Variants in RPS6KC1 observed in about 807,000 individuals in gnomAD.
RPS6KC1 encodes ribosomal protein S6 kinase C1.
A neutral mutation model predicts 103.8 loss-of-function variants in RPS6KC1; 54 were observed. The ratio of observed to expected loss-of-function variants is 0.52; its 90% CI spans 0.42 to 0.65. RPS6KC1 has a LOEUF of 0.65. Among genes scored for constraint, RPS6KC1 ranks in the 30% least tolerant of loss-of-function variants. The pLI is 0.00. For missense variants in RPS6KC1, 1,151 were observed against 1,253.8 expected (o/e 0.92, Z 1.24); for synonymous variants, 439 against 438.7 (o/e 1.00, Z -0.01).
the RPS6KC1 span, among the ~76,000 whole-genome samples, chr1:213,634,475 G>A: frequency 3.3e-5 from 5 of 152,220 alleles, no homozygotes; most frequent in African/African-American, 4.8e-5. Flanking sequence ...GCTCCTGAAT[G>A]ACTATTGGGT....
the RPS6KC1 span, among the ~76,000 whole-genome samples, chr1:213,569,685 T>C: frequency 1.3e-5 from 2 of 152,186 alleles, no homozygotes; most frequent in African/African-American, 4.8e-5. Flanking sequence ...TGAGGTAATA[T>C]AACAGCTACT....
the RPS6KC1 span, among the ~76,000 whole-genome samples, chr1:213,450,565 A>G: frequency 4.6e-5 from 7 of 152,122 alleles, no homozygotes; most frequent in Non-Finnish European, 7.4e-5. Flanking sequence ...TGAGAGACCA[A>G]TCAAGGTTCC....
intron 2 of RPS6KC1, among the ~76,000 whole-genome samples, chr1:213,075,545 A>G (rs2079258617): frequency 6.6e-6 from 1 of 152,122 alleles, no homozygotes. Flanking sequence ...CTCACTGAAC[A>G]GCTCCAAGCA....
chr1:213,488,736 C>G, the RPS6KC1 span, among the ~76,000 whole-genome samples: 1 of 152,168 alleles, frequency 6.6e-6, no homozygotes, highest in Non-Finnish European at 1.5e-5. Flanking sequence ...AATTGGGAAT[C>G]CCATTTGTCC....
chr1:213,289,114 C>T, the RPS6KC1 span, among the ~76,000 whole-genome samples: 1,564 of 152,156 alleles, frequency 0.01, 22 homozygotes, highest in African/African-American at 0.035. Flanking sequence ...TATCTTCTCA[C>T]ATGCCTGGCA....
chr1:213,172,188 C>G (rs2091523974), intron 7 of RPS6KC1, among the ~76,000 whole-genome samples: 1 of 151,940 alleles, frequency 6.6e-6, no homozygotes, highest in Non-Finnish European at 1.5e-5. Context: ...AAGTACTGCA[C>G]CAACAGATTG....
At chr1:213,621,254 A>G in the RPS6KC1 span, among the ~76,000 whole-genome samples, 7 of 152,196 alleles carry the variant, frequency 4.6e-5, no homozygotes, top group Non-Finnish European at 8.8e-5. Context: ...AAAGTCAGAA[A>G]TGTCAGAAAC....
intron 14 of RPS6KC1, among the ~76,000 whole-genome samples, chr1:213,269,224 C>T (rs748147380): frequency 6.6e-6 from 1 of 152,130 alleles, no homozygotes; most frequent in African/African-American, 2.4e-5. Flanking sequence ...GGATCTGACA[C>T]ATGTTTCATA....
chr1:213,688,161 C>A, the RPS6KC1 span, among the ~76,000 whole-genome samples: 2 of 152,048 alleles, frequency 1.3e-5, no homozygotes, highest in African/African-American at 4.8e-5. Context: ...TGGAAGCCAC[C>A]CTGTGGAATG....
chr1:213,478,114 A>G, the RPS6KC1 span, among the ~76,000 whole-genome samples: 1 of 152,200 alleles, frequency 6.6e-6, no homozygotes, highest in Non-Finnish European at 1.5e-5. Context: ...AGAATCAAAC[A>G]GTATACAGCC....
the RPS6KC1 span, among the ~76,000 whole-genome samples, chr1:213,763,332 C>T: frequency 6.6e-6 from 1 of 152,180 alleles, no homozygotes; most frequent in Non-Finnish European, 1.5e-5. Context: ...TCCCAGGAGA[C>T]CCTTCCAAGA....
At chr1:213,219,898 C>T (rs1190028285) in intron 8 of RPS6KC1, among the ~76,000 whole-genome samples, 1 of 151,786 alleles carries the variant, frequency 6.6e-6, no homozygotes, top group Non-Finnish European at 1.5e-5. Context: ...AGGAGATATA[C>T]CTAATGTTAA....
chr1:213,837,693 G>A, the RPS6KC1 span, among the ~76,000 whole-genome samples: 1 of 152,190 alleles, frequency 6.6e-6, no homozygotes, highest in South Asian at 2.1e-4. Context: ...GTGTGTGTGT[G>A]TGCATGCACA....
At chr1:213,715,397 T>G in the RPS6KC1 span, among the ~76,000 whole-genome samples, 3 of 152,234 alleles carry the variant, frequency 2.0e-5, no homozygotes, top group Non-Finnish European at 2.9e-5. Flanking sequence ...TGCTGAGTCA[T>G]AGATGGTTCT....
At chr1:213,818,357 G>A in the RPS6KC1 span, 2 of 152,522 alleles carry the variant, frequency 1.3e-5, no homozygotes, top group Non-Finnish European at 2.9e-5. Context: ...GTTCTTGAAG[G>A]AAATTAAAAG....
At chr1:213,129,424 A>C (rs538313329) in intron 5 of RPS6KC1, 103 bp from the exon 6 acceptor site, 1 of 1,307,844 alleles carries the variant, frequency 7.6e-7, no homozygotes, top group African/African-American at 1.5e-5. Flanking sequence ...ACAGCCTTCC[A>C]AATTGACTTG....
At chr1:213,529,069 T>C in the RPS6KC1 span, among the ~76,000 whole-genome samples, 1 of 152,148 alleles carries the variant, frequency 6.6e-6, no homozygotes, top group Admixed American at 6.5e-5. Context: ...TCAGGCACAA[T>C]TTTTGCCTTT....
chr1:213,165,613 C>T (rs780169453), intron 6 of RPS6KC1, among the ~76,000 whole-genome samples: 7 of 152,036 alleles, frequency 4.6e-5, no homozygotes, highest in South Asian at 2.1e-4. Context: ...TTAGTAGAGA[C>T]GGGGTTTCAC....
At chr1:213,660,098 G>A in the RPS6KC1 span, among the ~76,000 whole-genome samples, 2 of 152,210 alleles carry the variant, frequency 1.3e-5, no homozygotes. Flanking sequence ...GAGGTTACTG[G>A]TTTAATATTA....
Sources: gnomAD v4.1 joint callset for allele counts (sites outside exome capture counted in the v4.1 genomes callset) on GRCh38, gnomAD v4.1.1 for gene constraint, MANE v1.5 for transcripts, NCBI Gene and HGNC (gene_info 2026-07-23, HGNC 2026-07-21) for gene names.